Variants in HDAC7 observed in about 807,000 individuals in gnomAD.
HDAC7 encodes the protein histone deacetylase 7A.
HDAC7 carries 26 observed loss-of-function variants against 115.5 expected under a neutral mutation model. That is an observed-to-expected ratio of 0.23 (90% CI 0.16 to 0.31). HDAC7 has a LOEUF of 0.31. Among genes scored for constraint, HDAC7 ranks in the 10% least tolerant of loss-of-function variants. The pLI is 1.00. For synonymous variants in HDAC7, 564 were observed against 550.9 expected (o/e 1.02, Z -0.33); for missense variants, 1,068 against 1,329.0 (o/e 0.80, Z 3.05).
chr12:47,796,577 C>T (rs1337299428), intron 7 of HDAC7, among the ~76,000 whole-genome samples: 2 of 152,204 alleles, frequency 1.3e-5, no homozygotes, highest in African/African-American at 4.8e-5. Context: ...GCATGCACCA[C>T]CGTGCCTGGC....
At chr12:47,792,369 C>T (rs907688030) in intron 13 of HDAC7, 5 of 370,112 alleles carry the variant, frequency 1.4e-5, no homozygotes, top group African/African-American at 6.2e-5. Flanking sequence ...TGAGGCCTAA[C>T]GTACAGCATC....
At chr12:47,815,923 T>C (rs866902446) in intron 1 of HDAC7, among the ~76,000 whole-genome samples, 8 of 144,834 alleles carry the variant, frequency 5.5e-5, no homozygotes, top group Middle Eastern at 3.9e-3. Flanking sequence ...TTACAGAGTC[T>C]TGCTGTCACC....
chr12:47,809,401 G>C (rs1411350374), intron 1 of HDAC7, among the ~76,000 whole-genome samples: 1 of 152,032 alleles, frequency 6.6e-6, no homozygotes, highest in Non-Finnish European at 1.5e-5. Flanking sequence ...CCATTCCCAA[G>C]ACTGCCAGGG....
In HDAC7 at chr12:47,783,517, G is replaced by A. The variant is rs1198761853; in HGVS notation, c.*324C>T. The A allele has an allele frequency of 1.0e-5, 4 of 381,160 alleles. No individual in the cohort carries two copies. The highest frequency in any genetic ancestry group is 2.0e-5 in the Non-Finnish European group (4 of 201,790). 23.6% of individuals were successfully genotyped at this position (381,160 alleles called of 1,614,324 possible). A position where few individuals can be genotyped will look rare whatever the true frequency, so the allele number is the denominator to read the frequency against. On this transcript the variant is annotated 3_prime_UTR_variant, in exon 26 of 26. Coordinates refer to ENST00000080059, the MANE Select transcript of HDAC7 (RefSeq NM_015401.5). ...ATAGTGGTTAAGGGTGAGCCCGACG[G>A]AGCCGGAGCCAGTCCTCCTCTGTGC... is the stretch of plus-strand genomic sequence containing the variant.
intron 23 of HDAC7, 91 bp downstream of exon 23, chr12:47,785,661 G>T: frequency 6.7e-7 from 1 of 1,485,032 alleles, no homozygotes; most frequent in Non-Finnish European, 9.0e-7. Flanking sequence ...CTCCCACCCT[G>T]TCCCATCCCA....
intron 24 of HDAC7, chr12:47,784,612 A>G (rs995991255): frequency 2.4e-5 from 27 of 1,104,150 alleles, no homozygotes; most frequent in Non-Finnish European, 2.9e-5. Context: ...TCCCACTTAA[A>G]CACAGCCCCC....
At position 47,794,788 on chromosome 12, in the gene HDAC7, C is replaced by A. The variant is rs758089792; in HGVS notation, c.1430G>T (p.Gly477Val). Residue 477 changes from glycine to valine, a missense_variant, in exon 12 of 26, where the codon GGC (glycine) becomes GTC (valine). By Grantham distance (109) the Gly-to-Val change is moderately radical. Around this residue, in one of 6 missense-constraint regions of HDAC7, gnomAD observed 618 missense variants for 701.5 expected, o/e 0.88. Transcript: ENST00000080059. Reference sequence around the variant, plus strand: ...AGGGTGCTGCTGGAGAGGAGCGGGGCCTCTGGCCTCAGGCTGCCCATGGCC... The same window carrying A: ...AGGGTGCTGCTGGAGAGGAGCGGGGACTCTGGCCTCAGGCTGCCCATGGCC... ...ELGHGQPEAR[G>V]PAPLQQHPQV... The A allele has an allele frequency of 8.7e-6, 14 of 1,610,054 alleles. No homozygotes were observed. Among genetic ancestry groups the A allele is most frequent in the Non-Finnish European group, 1.2e-5 (14 of 1,178,636 alleles).
At chr12:47,786,810 A>C (rs1468542333) in intron 21 of HDAC7, 107 bp from the exon 22 acceptor site, 2 of 795,488 alleles carry the variant, frequency 2.5e-6, no homozygotes, top group Non-Finnish European at 4.2e-6. Flanking sequence ...CAAGGCTCCC[A>C]GTGCCCCAGC....
chr12:47,818,837 C>T (rs766307978), intron 1 of HDAC7, among the ~76,000 whole-genome samples: 13 of 152,164 alleles, frequency 8.5e-5, no homozygotes, highest in Non-Finnish European at 1.9e-4. Context: ...GAGGAGCAGC[C>T]GTGGCTGGGG....
chr12:47,816,934 C>T (rs527572809), intron 1 of HDAC7, among the ~76,000 whole-genome samples: 25 of 152,350 alleles, frequency 1.6e-4, no homozygotes, highest in African/African-American at 5.8e-4. Context: ...TCAGGCCACT[C>T]GCCTAGATTC....
intron 11 of HDAC7, 65 bp from the exon 12 acceptor site, chr12:47,794,998 G>A (rs1592654002): frequency 6.6e-7 from 1 of 1,503,880 alleles, no homozygotes; most frequent in Non-Finnish European, 9.0e-7. Flanking sequence ...GGGAGGTGGT[G>A]GGCTGGGCCA....
chr12:47,800,061 G>A (rs912401566), intron 2 of HDAC7, among the ~76,000 whole-genome samples: 1 of 152,220 alleles, frequency 6.6e-6, no homozygotes, highest in Non-Finnish European at 1.5e-5. Context: ...CAAAGTACCA[G>A]TCCAGGAGTC....
intron 1 of HDAC7, among the ~76,000 whole-genome samples, chr12:47,805,309 C>G (rs1387185734): frequency 1.3e-5 from 2 of 151,444 alleles, no homozygotes; most frequent in Non-Finnish European, 2.9e-5. Context: ...AGGCTGGGCT[C>G]CTGGGCTCAA....
intron 1 of HDAC7, among the ~76,000 whole-genome samples, chr12:47,804,651 T>C (rs1944316738): frequency 2.0e-5 from 3 of 152,142 alleles, no homozygotes; most frequent in Non-Finnish European, 4.4e-5. Flanking sequence ...TCTATCTTCT[T>C]TGGAGGCAAC....
At position 47,789,569 on chromosome 12, in the gene HDAC7, C is replaced by T; in HGVS notation, c.2101G>A (p.Ala701Thr). ...TGGTGTCCTGGGGGCCGCACCACAG[C>T]GAAACCATTCTGGAAAAAGAAAGAA... ...VASRELKNGF[A>T]VVRPPGHHAD... is the part of the protein sequence containing the mutation. The change falls in exon 18 of 26, where the codon GCT becomes ACT. Residue 701 changes from alanine (A) to threonine (T), a missense_variant. Physicochemically the swap from Ala to Thr is moderately conservative, Grantham distance 58. Transcript: ENST00000080059. 1.2e-6 allele frequency: 2 copies of T among 1,614,156 alleles called. No individual in the cohort carries two copies. Among genetic ancestry groups the T allele is most frequent in the Non-Finnish European group, 1.7e-6 (2 of 1,180,010 alleles).
intron 1 of HDAC7, among the ~76,000 whole-genome samples, chr12:47,813,697 A>G (rs1944765259): frequency 6.6e-6 from 1 of 152,130 alleles, no homozygotes; most frequent in African/African-American, 2.4e-5. Flanking sequence ...TCCCCTCCCC[A>G]TCCTGCTGTG....
chr12:47,787,975 T>A (rs1943263680), intron 20 of HDAC7, 70 bp downstream of exon 20: 1 of 1,592,094 alleles, frequency 6.3e-7, no homozygotes, highest in Non-Finnish European at 8.6e-7. Context: ...CAGCTCGTCA[T>A]GACAGAGGCA....
intron 2 of HDAC7, among the ~76,000 whole-genome samples, chr12:47,801,788 G>A (rs1340008425): frequency 2.6e-5 from 4 of 152,126 alleles, no homozygotes; most frequent in Admixed American, 1.3e-4. Context: ...GGGAGGAGGC[G>A]CAGACAGTGA....
Position 47,791,575 on chromosome 12 carries a change from T to C in HDAC7, c.1933+11A>G. The C allele has an allele frequency of 1.2e-6, 2 of 1,601,940 alleles. No homozygotes were observed. Among genetic ancestry groups the C allele is most frequent in the Non-Finnish European group, 1.7e-6 (2 of 1,174,296 alleles). ...AGCTGGCATGGGGAGACAGGGCCACTAGGCCATTACCTGCCAGCTTCCCGT... is the reference window on the plus strand; with the variant it reads ...AGCTGGCATGGGGAGACAGGGCCACCAGGCCATTACCTGCCAGCTTCCCGT... On this transcript the variant is annotated intron_variant, in intron 15 of 25. Transcript: ENST00000080059.
Sources: allele counts gnomAD v4.1 joint callset (sites outside exome capture counted in the v4.1 genomes callset), GRCh38; gene constraint gnomAD v4.1.1; regional missense constraint gnomAD v4.1.1; transcripts MANE v1.5; gene names NCBI Gene and HGNC (gene_info 2026-07-23, HGNC 2026-07-21).